VPS26C: variants seen among roughly 807,000 people sequenced by gnomAD.
VPS26C encodes the protein VPS26 endosomal protein sorting factor C.
In VPS26C, 19 loss-of-function variants were observed where a neutral mutation model predicts 30.6. That is an observed-to-expected ratio of 0.62 (90% confidence interval 0.43 to 0.91). The LOEUF is 0.91. Among genes scored for constraint, VPS26C ranks in the 40% least tolerant of loss-of-function variants. The pLI is 0.00. For missense variants in VPS26C, 318 were observed against 385.1 expected (o/e 0.83, Z 1.46); for synonymous variants, 132 against 151.5 (o/e 0.87, Z 0.95).
chr21:37,261,624 T>C (rs1000251567), intron 1 of VPS26C: 4 of 150,478 alleles, frequency 2.7e-5, no homozygotes, highest in Non-Finnish European at 1.5e-5. Context: ...TAACAGAAAC[T>C]GAAGCACACA....
chr21:37,247,576 A>G (rs963327012), intron 1 of VPS26C, among the ~76,000 whole-genome samples: 2 of 152,208 alleles, frequency 1.3e-5, no homozygotes, highest in Non-Finnish European at 2.9e-5. Context: ...CCCCCAACCA[A>G]GCAGGAATGA....
intron 1 of VPS26C, chr21:37,261,848 G>C (rs538401660): frequency 7.2e-5 from 11 of 152,112 alleles, no homozygotes; most frequent in South Asian, 6.2e-4. Flanking sequence ...TCTTCTCCCA[G>C]AATCTAGATG....
In VPS26C at chr21:37,225,343, A is replaced by C. The variant is rs2085887501; in HGVS notation, c.*201T>G. ...GAAATCTTGTTGAATTTCAAAGAAA[A>C]GGTCTGATTAGAGGTGCCTGTTGGA... On this transcript the variant is annotated 3_prime_UTR_variant, in exon 8 of 8. Transcript: ENST00000309117. 5.3e-6 allele frequency: 3 copies of C among 566,728 alleles called. No homozygotes were observed. Among genetic ancestry groups the C allele is most frequent in the Non-Finnish European group, 9.5e-6 (3 of 315,654 alleles). 35.1% of individuals were successfully genotyped at this position (566,728 alleles called of 1,614,324 possible).
intron 3 of VPS26C, among the ~76,000 whole-genome samples, chr21:37,235,263 G>C (rs909650502): frequency 1.3e-5 from 2 of 152,132 alleles, no homozygotes; most frequent in African/African-American, 2.4e-5. Flanking sequence ...CTTCCAAAGT[G>C]CTGGGATTAC....
At chr21:37,258,826 T>G (rs1602287642) in intron 1 of VPS26C, among the ~76,000 whole-genome samples, 1 of 152,168 alleles carries the variant, frequency 6.6e-6, no homozygotes, top group African/African-American at 2.4e-5. Context: ...GGCTTTACCA[T>G]GCTCAGGCGC....
intron 1 of VPS26C, among the ~76,000 whole-genome samples, chr21:37,250,237 G>A (rs1443611837): frequency 1.3e-5 from 2 of 151,968 alleles, no homozygotes; most frequent in African/African-American, 2.4e-5. Context: ...CTCAAGAGGT[G>A]GAGGTTGCAG....
Position 37,230,206 on chromosome 21 carries a change from G to A in VPS26C, c.508-1833C>T, listed in dbSNP as rs1197706791. Among the ~76,000 whole-genome samples the A allele has an allele frequency of 3.3e-5, 5 of 152,234 alleles. No individual in the cohort carries two copies. The South Asian group carries it at 8.3e-4, about 25-fold the overall frequency. On this transcript the variant is annotated intron_variant, in intron 5 of 7. Transcript: ENST00000309117. ...AAAATAACTAAGAGAAGCTATTTGT[G>A]TAGAAAAACAAAAAGCAGTAGCAGT...
At chr21:37,266,984 G>C in intron 1 of VPS26C, 1 of 547,758 alleles carries the variant, frequency 1.8e-6, no homozygotes, top group South Asian at 2.2e-5. Flanking sequence ...CCGGAGCTGG[G>C]CGCCTGCCCT....
At chr21:37,225,770 C>T (rs2085893099) in intron 7 of VPS26C, 144 bp from the exon 8 acceptor site, 2 of 651,758 alleles carry the variant, frequency 3.1e-6, no homozygotes, top group South Asian at 3.4e-5. Flanking sequence ...CTCAGCGCCA[C>T]CCTGACCTTT....
At chr21:37,261,726 G>A (rs2086306184) in intron 1 of VPS26C, 3 of 151,338 alleles carry the variant, frequency 2.0e-5, no homozygotes, top group African/African-American at 7.3e-5. Context: ...CAAATCTTGT[G>A]GACACAATTT....
intron 1 of VPS26C, 81 bp from the exon 2 acceptor site, chr21:37,240,720 T>G: frequency 6.6e-7 from 1 of 1,509,560 alleles, no homozygotes; most frequent in Non-Finnish European, 8.9e-7. Flanking sequence ...GTAGGTCTCC[T>G]TCATCATCAA....
intron 2 of VPS26C, among the ~76,000 whole-genome samples, chr21:37,239,362 CA>C (rs2086059806): frequency 1.3e-5 from 2 of 152,234 alleles, no homozygotes; most frequent in East Asian, 3.9e-4. Flanking sequence ...CTTTTCCCTG[CA>C]AAACTTAAAG....
chr21:37,267,222 C>A lies in VPS26C; in HGVS notation c.57+16G>T. ...GCCCAACCCCACCTCCATCCCCACC[C>A]CCAGCCCCCACTTACCCCGGCGTGA... On this transcript the variant is annotated intron_variant, in intron 1 of 7. Transcript: ENST00000309117. 3 of 1,524,960 alleles carry A rather than the reference C, an allele frequency of 2.0e-6. No individual in the cohort carries two copies. The highest frequency in any genetic ancestry group is 1.4e-5 in the African/African-American group (1 of 73,132). The allele number at this position is 1,524,960 out of a possible 1,614,324, so 94.5% of individuals were successfully genotyped here.
chr21:37,232,036 C>T lies in VPS26C; in HGVS notation c.507+341G>A, dbSNP rs149911280. On this transcript the variant is annotated intron_variant, in intron 5 of 7. Coordinates refer to ENST00000309117, the MANE Select transcript of VPS26C (RefSeq NM_006052.2). ...GATGACAACAGGCCAGGGGGCCGGG[C>T]GCAGGCCCCGGCTAACCATGAGAAA... The T allele has an allele frequency of 9.0e-3, 2,451 of 272,938 alleles. 22 individuals carry two copies. The highest frequency in any genetic ancestry group is 0.012 in the Non-Finnish European group (1,736 of 144,208). The allele number at this position is 272,938 out of a possible 1,614,324, so 16.9% of individuals were successfully genotyped here.
intron 1 of VPS26C, 79 bp downstream of exon 1, chr21:37,267,159 G>C (rs2086374222): frequency 1.6e-6 from 2 of 1,273,662 alleles, no homozygotes; most frequent in Non-Finnish European, 2.2e-6. Context: ...GACGCGGGAC[G>C]TGCGCAGAGC....
intron 4 of VPS26C, among the ~76,000 whole-genome samples, chr21:37,232,839 CTCAGTGG>C (rs2085980094): frequency 6.6e-6 from 1 of 152,216 alleles, no homozygotes; most frequent in Non-Finnish European, 1.5e-5. Context: ...GGGCAGAGAG[CTCAGTGG>C]CCTGCTCAGC....
intron 1 of VPS26C, among the ~76,000 whole-genome samples, chr21:37,243,821 T>G (rs1033536074): frequency 6.6e-6 from 1 of 152,124 alleles, no homozygotes; most frequent in Admixed American, 6.5e-5. Context: ...GCAAACAACT[T>G]TGTATCACCC....
intron 1 of VPS26C, among the ~76,000 whole-genome samples, chr21:37,248,720 A>G (rs1429596444): frequency 6.6e-6 from 1 of 151,764 alleles, no homozygotes; most frequent in African/African-American, 2.4e-5. Context: ...ACTTAAAAAA[A>G]AAAAAAAAGC....
intron 5 of VPS26C, among the ~76,000 whole-genome samples, chr21:37,230,226 A>G (rs892352789): frequency 6.6e-6 from 1 of 152,260 alleles, no homozygotes; most frequent in African/African-American, 2.4e-5. Context: ...AAAAAGCAGT[A>G]GCAGTACACA....
Sources: gnomAD v4.1 joint callset for allele counts (sites outside exome capture counted in the v4.1 genomes callset) on GRCh38, gnomAD v4.1.1 for gene constraint, MANE v1.5 for transcripts, NCBI Gene and HGNC (gene_info 2026-07-23, HGNC 2026-07-21) for gene names.